Variants in UBE2C observed in about 807,000 individuals in gnomAD.
UBE2C encodes ubiquitin-conjugating enzyme E2 C.
A neutral mutation model predicts 23.5 loss-of-function variants in UBE2C; 16 were observed. That is an observed-to-expected ratio of 0.68 (90% CI 0.46 to 1.03). The LOEUF (loss-of-function observed/expected upper bound fraction) is 1.03. Ranked by LOEUF, UBE2C falls within the 50% of genes least tolerant of loss-of-function variation. UBE2C has a pLI of 0.00. For synonymous variants in UBE2C, 76 were observed against 91.6 expected (o/e 0.83, Z 0.97); for missense variants, 192 against 227.6 (o/e 0.84, Z 1.01).
At chr20:45,813,270 T>C in intron 1 of UBE2C, 167 bp from the exon 2 acceptor site, 1 of 1,521,510 alleles carries the variant, frequency 6.6e-7, no homozygotes, top group African/African-American at 1.4e-5. Context: ...GAGGACTCGC[T>C]AGGATCGTCC....
chr20:45,814,217 TACACA>T (rs1982235600), intron 2 of UBE2C, among the ~76,000 whole-genome samples, 162 bp from the exon 3 acceptor site: 1 of 101,114 alleles, frequency 9.9e-6, no homozygotes, highest in Admixed American at 1.1e-4. Flanking sequence ...CTCATATATA[TACACA>T]TATATATGTG....
rs148163094 is a variant in UBE2C at position 45,815,208 on chromosome 20, T to C, written c.217-333T>C. 2.4e-3 allele frequency among the ~76,000 whole-genome samples: 359 copies of C among 152,194 alleles called. 4 individuals carry two copies. The highest frequency in any genetic ancestry group is 8.3e-3 in the African/African-American group (346 of 41,522). Reference sequence around the variant, plus strand: ...AATCCTTAGACCAAAGAGTCACTGATGTCTCCACCAGATAAGAGGAAAGCA... The same window carrying C: ...AATCCTTAGACCAAAGAGTCACTGACGTCTCCACCAGATAAGAGGAAAGCA... On this transcript the variant is annotated intron_variant, in intron 3 of 5. Coordinates refer to ENST00000356455, the MANE Select transcript of UBE2C (RefSeq NM_007019.4).
intron 5 of UBE2C, among the ~76,000 whole-genome samples, chr20:45,816,465 G>A (rs972572029): frequency 9.9e-5 from 15 of 152,084 alleles, no homozygotes; most frequent in African/African-American, 3.4e-4. Context: ...GTGAAACCCC[G>A]TCTCTACTAA....
chr20:45,816,042 T>G, intron 5 of UBE2C, 129 bp downstream of exon 5: 1 of 848,728 alleles, frequency 1.2e-6, no homozygotes, highest in Non-Finnish European at 1.9e-6. Flanking sequence ...AGCAACCCAC[T>G]TCTGTTTCTG....
intron 1 of UBE2C, 25 bp from the exon 2 acceptor site, chr20:45,813,412 G>T (rs754600301): frequency 6.2e-7 from 1 of 1,614,122 alleles, no homozygotes; most frequent in Non-Finnish European, 8.5e-7. Context: ...AGACTCCCAG[G>T]TAACCCCGAA....
At chr20:45,814,144 C>CTATA (rs1395322858) in intron 2 of UBE2C, among the ~76,000 whole-genome samples, 28 of 144,208 alleles carry the variant, frequency 1.9e-4, no homozygotes, top group African/African-American at 7.9e-4. Context: ...CTCTCTCTCT[C>CTATA]TCTATATATA....
chr20:45,816,690 C>G lies in UBE2C; in HGVS notation c.482-19C>G. ...ATCCTGTCTCCATCACTCACTGAGA[C>G]CTGCCTGTTCTCTTCCAGCTTTTAA... On this transcript the variant is annotated intron_variant, in intron 5 of 5. Coordinates refer to ENST00000356455, the MANE Select transcript of UBE2C (RefSeq NM_007019.4). The G allele has an allele frequency of 1.2e-6, 2 of 1,611,492 alleles. No individual in the cohort carries two copies. The highest frequency in any genetic ancestry group is 1.7e-6 in the Non-Finnish European group (2 of 1,178,796).
At chr20:45,815,463 A>G (rs1241541790) in intron 3 of UBE2C, 78 bp from the exon 4 acceptor site, 2 of 1,614,012 alleles carry the variant, frequency 1.2e-6, no homozygotes, top group African/African-American at 2.7e-5. Flanking sequence ...GATTCTAGCA[A>G]GCCCCTTGTG....
chr20:45,814,146 C>CTCTATATA (rs1158772080), intron 2 of UBE2C, among the ~76,000 whole-genome samples: 81 of 133,940 alleles, frequency 6.0e-4, no homozygotes, highest in African/African-American at 2.1e-3. Flanking sequence ...CTCTCTCTCT[C>CTCTATATA]TATATATATA....
At chr20:45,813,202 C>T in intron 1 of UBE2C, 1 of 1,429,992 alleles carries the variant, frequency 7.0e-7, no homozygotes, top group Non-Finnish European at 9.1e-7. Flanking sequence ...GATGCTAAAG[C>T]CTGGGGAATT....
intron 2 of UBE2C, 99 bp from the exon 3 acceptor site, chr20:45,814,285 T>G: frequency 5.1e-6 from 1 of 195,698 alleles, no homozygotes; most frequent in Non-Finnish European, 9.2e-6. Context: ...TATATATATA[T>G]ATATATATAT....
In UBE2C at chr20:45,815,861, C is replaced by T. The variant is rs1982492384; in HGVS notation, c.429C>T (p.Asn143=). 4 of 1,614,144 alleles carry T rather than the reference C, an allele frequency of 2.5e-6. No individual in the cohort carries two copies. The highest frequency in any genetic ancestry group is 2.2e-5 in the East Asian group (1 of 44,876). The change falls in exon 5 of 6, where the codon AAC becomes AAT. Residue 143 remains asparagine, a synonymous_variant. Transcript: ENST00000356455. Reference sequence around the variant, plus strand: ...CTTTCTCTCCACCCACAGAACCCAACATTGATAGTCCCTTGAACACACATG... The same window carrying T: ...CTTTCTCTCCACCCACAGAACCCAATATTGATAGTCCCTTGAACACACATG... ...LSIQSLLGEP[N]IDSPLNTHAA... is the part of the protein sequence containing the mutation.
chr20:45,815,284 T>C, intron 3 of UBE2C: 3 of 1,221,228 alleles, frequency 2.5e-6, no homozygotes, highest in Non-Finnish European at 3.4e-6. Flanking sequence ...TTTGGGAGGC[T>C]GAGGCAGGCA....
At chr20:45,815,389 G>C in intron 3 of UBE2C, 152 bp from the exon 4 acceptor site, 2 of 1,587,294 alleles carry the variant, frequency 1.3e-6, no homozygotes, top group South Asian at 2.3e-5. Context: ...TTTTTAAAAA[G>C]GCAGTGGGGA....
Position 45,815,900 on chromosome 20 carries a change from G to A in UBE2C, c.468G>A (p.Trp156Ter). 6.2e-7 allele frequency: 1 copy of A among 1,613,940 alleles called. No homozygotes were observed. Among genetic ancestry groups the A allele is most frequent in the Non-Finnish European group, 8.5e-7 (1 of 1,179,994 alleles). The change falls in exon 5 of 6, where the codon TGG becomes TGA. Residue 156 changes from tryptophan (W) to a stop codon, truncating the protein, a stop_gained. Transcript: ENST00000356455. LOFTEE classifies it high-confidence loss of function. The stretch of plus-strand genomic sequence containing the variant: ...TGAACACACATGCTGCCGAGCTCTG[G>A]AAAAACCCCACAGGTGAGTCCTCAG... ...SPLNTHAAEL[W>*]KNPTAFKKYL...
Position 45,815,592 on chromosome 20 carries a change from C to T in UBE2C, c.268C>T (p.Pro90Ser). Residue 90 changes from proline (P) to serine (S), a missense_variant, in exon 4 of 6, where the codon CCT becomes TCT. Pro to Ser is a moderately conservative substitution (Grantham distance 74). Coordinates refer to ENST00000356455, the MANE Select transcript of UBE2C (RefSeq NM_007019.4). ...CTCGCTAGAGTTCCCCAGTGGCTAC[C>T]CTTACAATGCGCCCACAGTGAAGTT... Reference protein sequence around the residue: ...KLSLEFPSGYPYNAPTVKFLT... With the variant: ...KLSLEFPSGYSYNAPTVKFLT... 1 of 1,614,054 alleles carries T rather than the reference C, an allele frequency of 6.2e-7. No individual in the cohort carries two copies.
rs993443198 is a variant in UBE2C, at chr20:45,812,830, C to T, written c.101+34C>T. 2.7e-5 allele frequency: 42 copies of T among 1,540,378 alleles called. No homozygotes were observed. In the African/African-American group the frequency reaches 5.4e-4, roughly 20 times the overall value. On this transcript the variant is annotated intron_variant, in intron 1 of 5. Transcript: ENST00000356455. ...TGCGGCCTACCACTCGCCGGGCCTG[C>T]CATGCCCTAGGCATTGGTACCCAGA...
intron 5 of UBE2C, 48 bp downstream of exon 5, chr20:45,815,961 A>G (rs1601047165): frequency 1.3e-6 from 2 of 1,599,808 alleles, no homozygotes; most frequent in Non-Finnish European, 1.7e-6. Context: ...CCCAACCTTC[A>G]AAGGCTCCCT....
chr20:45,815,013 AT>A (rs1343621909), intron 3 of UBE2C, among the ~76,000 whole-genome samples: 1 of 151,114 alleles, frequency 6.6e-6, no homozygotes, highest in Non-Finnish European at 1.5e-5. Flanking sequence ...AATTTTTTGT[AT>A]TTTTAGTAGA....
Sources: gnomAD v4.1 joint callset for allele counts (sites outside exome capture counted in the v4.1 genomes callset) on GRCh38, gnomAD v4.1.1 for gene constraint, MANE v1.5 for transcripts, NCBI Gene and HGNC (gene_info 2026-07-23, HGNC 2026-07-21) for gene names.